The following ACVR2A variants were observed in gnomAD, a reference collection of about 807,000 sequenced individuals.
The protein encoded by ACVR2A is activin A receptor type 2A, also known as activin receptor type-2A.
ACVR2A carries 7 observed loss-of-function variants against 61.4 expected under a neutral mutation model. The observed-to-expected ratio is 0.11, with a 90% CI of 0.06 to 0.21. The LOEUF (loss-of-function observed/expected upper bound fraction) is 0.21, where lower values mean the gene tolerates loss of function less well. ACVR2A is among the 10% of genes least tolerant of loss of function. The probability of loss-of-function intolerance (pLI) is 1.00; values close to 1 mark genes in which losing one functional copy is unlikely to be tolerated. For missense variants in ACVR2A, 322 were observed against 621.7 expected (o/e 0.52, Z 5.13); for synonymous variants, 193 against 208.3 (o/e 0.93, Z 0.63).
chr2:147,899,329 G>T, intron 2 of ACVR2A, 129 bp from the exon 3 acceptor site: 1 of 600,808 alleles, frequency 1.7e-6, no homozygotes, highest in East Asian at 3.3e-5. Context: ...AGAATTATTA[G>T]ATATAAATAC....
chr2:147,920,520 T>A (rs1468054282), intron 8 of ACVR2A, among the ~76,000 whole-genome samples, 176 bp downstream of exon 8: 1 of 152,106 alleles, frequency 6.6e-6, no homozygotes, highest in Non-Finnish European at 1.5e-5. Context: ...ACTCAGGTGG[T>A]TTAGATCAAG....
intron 8 of ACVR2A, among the ~76,000 whole-genome samples, chr2:147,922,359 T>C (rs1687402918): frequency 6.6e-6 from 1 of 152,136 alleles, no homozygotes; most frequent in Non-Finnish European, 1.5e-5. Flanking sequence ...TGTTGTGATG[T>C]ACCCAGCTAT....
At chr2:147,863,240 C>A (rs1265742817) in intron 1 of ACVR2A, among the ~76,000 whole-genome samples, 1 of 152,178 alleles carries the variant, frequency 6.6e-6, no homozygotes, top group Non-Finnish European at 1.5e-5. Flanking sequence ...CTACTGTTGC[C>A]AGCACCCCTT....
chr2:147,911,182 A>G (rs1302048239), intron 4 of ACVR2A, among the ~76,000 whole-genome samples: 1 of 152,112 alleles, frequency 6.6e-6, no homozygotes, highest in Non-Finnish European at 1.5e-5. Context: ...CTTGTTTTAT[A>G]ATTTAGACTC....
At chr2:147,867,543 C>T (rs1025256546) in intron 1 of ACVR2A, among the ~76,000 whole-genome samples, 23 of 152,100 alleles carry the variant, frequency 1.5e-4, no homozygotes, top group Admixed American at 1.2e-3. Flanking sequence ...CTTACCATCT[C>T]GTATCTGGAC....
chr2:147,874,580 T>C (rs1686107440), intron 1 of ACVR2A, among the ~76,000 whole-genome samples: 1 of 151,948 alleles, frequency 6.6e-6, no homozygotes, highest in South Asian at 2.1e-4. Flanking sequence ...ATATAGATTC[T>C]TGAGCTGCAC....
chr2:147,849,678 C>T (rs2105129813), intron 1 of ACVR2A, among the ~76,000 whole-genome samples: 1 of 152,236 alleles, frequency 6.6e-6, no homozygotes, highest in Middle Eastern at 3.4e-3. Context: ...TACAGTGAAA[C>T]TCTTAGCAAA....
intron 1 of ACVR2A, among the ~76,000 whole-genome samples, chr2:147,865,220 G>A (rs988394493): frequency 1.3e-5 from 2 of 152,086 alleles, no homozygotes; most frequent in African/African-American, 4.8e-5. Context: ...AAATACTGTT[G>A]AATAAATTAA....
At chr2:147,909,357 CTAGT>C (rs151277781) in intron 4 of ACVR2A, among the ~76,000 whole-genome samples, 43 of 152,268 alleles carry the variant, frequency 2.8e-4, no homozygotes, top group African/African-American at 9.6e-4. Flanking sequence ...CTGGCACAGA[CTAGT>C]TACTCAGTAA....
chr2:147,907,663 T>A (rs1288849848), intron 4 of ACVR2A, among the ~76,000 whole-genome samples: 1 of 152,228 alleles, frequency 6.6e-6, no homozygotes. Flanking sequence ...TGGGCATTTA[T>A]ATCCAAGGAT....
intron 2 of ACVR2A, among the ~76,000 whole-genome samples, chr2:147,898,927 C>T (rs1343499638): frequency 2.6e-5 from 4 of 152,074 alleles, no homozygotes; most frequent in African/African-American, 9.7e-5. Flanking sequence ...ATTAATTTCT[C>T]AGCCTAGTTT....
intron 1 of ACVR2A, among the ~76,000 whole-genome samples, chr2:147,886,049 A>T (rs1686423943): frequency 6.6e-6 from 1 of 152,160 alleles, no homozygotes; most frequent in African/African-American, 2.4e-5. Context: ...TGAACTAATA[A>T]AATTTTGTAT....
chr2:147,872,016 G>A (rs1686033379), intron 1 of ACVR2A, among the ~76,000 whole-genome samples: 1 of 152,038 alleles, frequency 6.6e-6, no homozygotes, highest in African/African-American at 2.4e-5. Context: ...TCTGATGCAA[G>A]TTCTTTTACC....
rs558020362 is a variant in ACVR2A, at chr2:147,914,181, G to A, written c.529-1010G>A. Among the ~76,000 whole-genome samples, 18 of 152,032 alleles carry A rather than the reference G, an allele frequency of 1.2e-4. 1 individual carries two copies. The South Asian group carries it at 3.7e-3, about 32-fold the overall frequency. ...TTCCAAGTGTCTGAGGTGCCACCCA[G>A]TGTCATCATATCAGTTGCTTTTGCC... is the stretch of plus-strand genomic sequence containing the variant. On this transcript the variant is annotated intron_variant, in intron 4 of 10. Coordinates refer to ENST00000241416, the MANE Select transcript of ACVR2A (RefSeq NM_001616.5).
rs554525279 is a variant in ACVR2A at position 147,853,799 on chromosome 2, G to A, written c.55+8592G>A. Among the ~76,000 whole-genome samples the A allele has an allele frequency of 2.3e-3, 346 of 152,080 alleles. 1 individual carries two copies. Among genetic ancestry groups the A allele is most frequent in the Non-Finnish European group, 3.5e-3 (237 of 67,910 alleles). ...TTAACTTTAAAATTTTTATTTTAAA[G>A]GAAAAGTTTATTGTTCTTCCCATCT... On this transcript the variant is annotated intron_variant, in intron 1 of 10. Coordinates refer to ENST00000241416, the MANE Select transcript of ACVR2A (RefSeq NM_001616.5).
At chr2:147,867,915 T>G (rs893754512) in intron 1 of ACVR2A, among the ~76,000 whole-genome samples, 1 of 152,182 alleles carries the variant, frequency 6.6e-6, no homozygotes, top group African/African-American at 2.4e-5. Context: ...CTCCGCTGAT[T>G]TTGTACTTCC....
chr2:147,908,088 A>C (rs1432369452), intron 4 of ACVR2A, among the ~76,000 whole-genome samples: 1 of 151,812 alleles, frequency 6.6e-6, no homozygotes, highest in Non-Finnish European at 1.5e-5. Flanking sequence ...AGTAGGATAA[A>C]GAGATCAAAG....
Position 147,899,551 on chromosome 2 carries a change from G to C in ACVR2A, c.357G>C (p.Glu119Asp), listed in dbSNP as rs561369241. The change falls in exon 3 of 11, where the codon GAG becomes GAC. Residue 119 changes from glutamate (E) to aspartate (D), a missense_variant. By Grantham distance (45) the Glu-to-Asp change is conservative (BLOSUM62 2). Coordinates refer to ENST00000241416, the MANE Select transcript of ACVR2A (RefSeq NM_001616.5). ...ATGAAAAGTTTTCTTATTTTCCGGA[G>C]ATGGAAGTCACACAGCGTAAGTTCA... The part of the protein sequence containing the change: ...MCNEKFSYFP[E>D]MEVTQPTSNP... The C allele has an allele frequency of 2.5e-6, 4 of 1,612,888 alleles. 1 individual carries two copies. The South Asian group carries it at 4.4e-5, about 18-fold the overall frequency.
intron 1 of ACVR2A, among the ~76,000 whole-genome samples, chr2:147,889,890 A>G (rs888803666): frequency 5.9e-5 from 9 of 151,750 alleles, no homozygotes; most frequent in African/African-American, 2.2e-4. Flanking sequence ...TACTTTGAAT[A>G]TAGAACTATT....
Sources: gnomAD v4.1 joint callset for allele counts (sites outside exome capture counted in the v4.1 genomes callset) on GRCh38, gnomAD v4.1.1 for gene constraint, MANE v1.5 for transcripts, NCBI Gene and HGNC (gene_info 2026-07-23, HGNC 2026-07-21) for gene names.